The following EFNB3 variants were observed in gnomAD, a reference collection of about 807,000 sequenced individuals.
EFNB3 encodes ephrin-B3.
Under a neutral mutation model 29.8 loss-of-function variants are expected in EFNB3, and 14 were observed. The observed-to-expected ratio is 0.47, with a 90% confidence interval of 0.31 to 0.73. The LOEUF (loss-of-function observed/expected upper bound fraction) is 0.73. Among genes scored for constraint, EFNB3 ranks in the 30% least tolerant of loss-of-function variants. The pLI, the probability that EFNB3 is intolerant of heterozygous loss-of-function variation, is 0.05. For missense variants in EFNB3, 408 were observed against 458.0 expected (o/e 0.89, Z 1.00); for synonymous variants, 216 against 191.6 (o/e 1.13, Z -1.05).
In EFNB3 at chr17:7,705,740, G is replaced by A. The variant is rs1339178913; in HGVS notation, c.122+20G>A. 3 of 1,556,340 alleles carry A rather than the reference G, an allele frequency of 1.9e-6. No homozygotes were observed. Among genetic ancestry groups the A allele is most frequent in the Admixed American group, 1.9e-5 (1 of 51,706 alleles). ...TAAGAGGTGAGTGGCCTGCGGCTGG[G>A]GAGATCCCAGACCCTAGGGCAGTGG... On this transcript the variant is annotated intron_variant, in intron 1 of 4. Transcript: ENST00000226091. The surrounding 1 kb of genome is among the most constrained non-coding windows in gnomAD (Gnocchi z 5.4).
chr17:7,709,720 T>C lies in EFNB3; in HGVS notation c.*144T>C. On this transcript the variant is annotated 3_prime_UTR_variant, in exon 5 of 5. Transcript: ENST00000226091. The surrounding 1 kb of genome is among the most constrained non-coding windows in gnomAD (Gnocchi z 4.5). ...ACTCCTCCCGGCTGCTGTCCTCGTC[T>C]CCACTTTTAGGATTCCTTAGGATTC... The C allele has an allele frequency of 1.2e-6, 1 of 856,494 alleles. No individual in the cohort carries two copies. The highest frequency in any genetic ancestry group is 1.9e-6 in the Non-Finnish European group (1 of 538,180). The allele number at this position is 856,494 out of a possible 1,614,324, so 53.1% of individuals were successfully genotyped here. A position where few individuals can be genotyped will look rare whatever the true frequency, so the allele number is the denominator to read the frequency against.
In EFNB3 at chr17:7,708,339, C is replaced by A; in HGVS notation, c.415+89C>A. On this transcript the variant is annotated intron_variant, in intron 2 of 4. Coordinates refer to ENST00000226091, the MANE Select transcript of EFNB3 (RefSeq NM_001406.4). The surrounding 1 kb of genome is among the most constrained non-coding windows in gnomAD (Gnocchi z 6.8). Reference sequence around the variant, plus strand: ...GACCCCTGCAGCCAAGAGGGAGATCCCAGTGCCCTCAGGCAGTGTTCACAC... The same window carrying A: ...GACCCCTGCAGCCAAGAGGGAGATCACAGTGCCCTCAGGCAGTGTTCACAC... 6.3e-7 allele frequency: 1 copy of A among 1,581,500 alleles called. No individual in the cohort carries two copies. The highest frequency in any genetic ancestry group is 1.3e-5 in the African/African-American group (1 of 74,462).
chr17:7,707,966 C>G lies in EFNB3; in HGVS notation c.131C>G (p.Ala44Gly). The G allele has an allele frequency of 6.2e-7, 1 of 1,610,774 alleles. No homozygotes were observed. Residue 44 changes from alanine (A) to glycine (G), a missense_variant, in exon 2 of 5, where the codon GCA (alanine) becomes GGA (glycine). Transcript: ENST00000226091. ...YWNSANKRFQ[A>G]EGGYVLYPQI... ...TACCCTCCTCCCCATAGGTTCCAGG[C>G]AGAGGGTGGTTATGTGCTGTACCCT...
At position 7,709,883 on chromosome 17, in the gene EFNB3, C is replaced by T. The variant is rs2074343507; in HGVS notation, c.*307C>T. Reference sequence around the variant, plus strand: ...ATGACCCAGGCATCCTTGTCCCCCTCACCCACCCAGAGCTAGGGGCGGGAA... The same window carrying T: ...ATGACCCAGGCATCCTTGTCCCCCTTACCCACCCAGAGCTAGGGGCGGGAA... On this transcript the variant is annotated 3_prime_UTR_variant, in exon 5 of 5. Transcript: ENST00000226091. The surrounding 1 kb of genome is among the most constrained non-coding windows in gnomAD (Gnocchi z 4.5). The T allele has an allele frequency of 2.0e-6, 1 of 489,892 alleles. No individual in the cohort carries two copies. The highest frequency in any genetic ancestry group is 3.8e-5 in the Admixed American group (1 of 26,260). The allele number at this position is 489,892 out of a possible 1,614,324, so 30.3% of individuals were successfully genotyped here.
At position 7,708,450 on chromosome 17, in the gene EFNB3, C is replaced by G. The variant is rs144005781; in HGVS notation, c.431C>G (p.Thr144Ser). Residue 144 changes from threonine (T) to serine (S), a missense_variant, in exon 3 of 5, where the codon ACC (threonine) becomes AGC (serine). By Grantham distance (58) the Thr-to-Ser change is moderately conservative (BLOSUM62 1). Coordinates refer to ENST00000226091, the MANE Select transcript of EFNB3 (RefSeq NM_001406.4). This position sits in a 1 kb window ranked among gnomAD's most constrained non-coding sequence, Gnocchi z 6.8. ...TCTCTCCCAGCCACATCGGATGGGACCCGGGAGGGCCTGGAGAGCCTGCAG... is the reference window on the plus strand; with the variant it reads ...TCTCTCCCAGCCACATCGGATGGGAGCCGGGAGGGCCTGGAGAGCCTGCAG... ...DYYIIATSDG[T>S]REGLESLQGG... 6.2e-6 allele frequency: 10 copies of G among 1,613,482 alleles called. No individual in the cohort carries two copies. The highest frequency in any genetic ancestry group is 8.5e-6 in the Non-Finnish European group (10 of 1,179,776).
chr17:7,709,705 G>A lies in EFNB3; in HGVS notation c.*129G>A. The A allele has an allele frequency of 1.1e-6, 1 of 928,294 alleles. No homozygotes were observed. The highest frequency in any genetic ancestry group is 2.6e-5 in the East Asian group (1 of 38,016). 57.5% of individuals were successfully genotyped at this position (928,294 alleles called of 1,614,324 possible). ...CCCCCCAGCCCCTTCACTCCTCCCG[G>A]CTGCTGTCCTCGTCTCCACTTTTAG... On this transcript the variant is annotated 3_prime_UTR_variant, in exon 5 of 5. Transcript: ENST00000226091. This position sits in a 1 kb window ranked among gnomAD's most constrained non-coding sequence, Gnocchi z 4.5.
rs1320636321 is a variant in EFNB3 at position 7,709,944 on chromosome 17, C to T, written c.*368C>T. 1 of 376,572 alleles carries T rather than the reference C, an allele frequency of 2.7e-6. No homozygotes were observed. The highest frequency in any genetic ancestry group is 2.2e-5 in the African/African-American group (1 of 46,016). 23.3% of individuals were successfully genotyped at this position (376,572 alleles called of 1,614,324 possible). ...TTTGGTTGGCACCGCCTTCTTTCTG[C>T]CTCTCACTGGTTTTCTCTTCTCTAT... On this transcript the variant is annotated 3_prime_UTR_variant, in exon 5 of 5. Transcript: ENST00000226091. The surrounding 1 kb of genome is among the most constrained non-coding windows in gnomAD (Gnocchi z 4.5).
Position 7,705,546 on chromosome 17 carries a change from G to A in EFNB3, c.-53G>A. ...GGCAGCCAAGGCAGCCACCCCGGGG[G>A]GTGGGCGACTTTGGGGGAGTTGGTG... On this transcript the variant is annotated 5_prime_UTR_variant, in exon 1 of 5. Transcript: ENST00000226091. The surrounding 1 kb of genome is among the most constrained non-coding windows in gnomAD (Gnocchi z 5.4). The A allele has an allele frequency of 2.7e-6, 3 of 1,111,606 alleles. No individual in the cohort carries two copies. Among genetic ancestry groups the A allele is most frequent in the Non-Finnish European group, 2.4e-6 (2 of 822,304 alleles). 68.9% of individuals were successfully genotyped at this position (1,111,606 alleles called of 1,614,324 possible).
chr17:7,707,503 G>A (rs1003284406), intron 1 of EFNB3, among the ~76,000 whole-genome samples: 2 of 152,142 alleles, frequency 1.3e-5, no homozygotes, highest in Non-Finnish European at 1.5e-5. Flanking sequence ...CCCTTTGCCC[G>A]GAAATCCCTG....
At position 7,708,740 on chromosome 17, in the gene EFNB3, G is replaced by A. The variant is rs1597427182; in HGVS notation, c.613+1G>A. 2 of 1,554,718 alleles carry A rather than the reference G, an allele frequency of 1.3e-6. No individual in the cohort carries two copies. The highest frequency in any genetic ancestry group is 1.7e-6 in the Non-Finnish European group (2 of 1,148,694). On this transcript the variant is annotated splice_donor_variant, in intron 4 of 4. Transcript: ENST00000226091. LOFTEE classifies it high-confidence loss of function. This position sits in a 1 kb window ranked among gnomAD's most constrained non-coding sequence, Gnocchi z 6.8. ...GAGCCTGGGAAGGAGAACCTGCCAGGTAGGAACCAGGGGCTAGGCCCCTGC... is the reference window on the plus strand; with the variant it reads ...GAGCCTGGGAAGGAGAACCTGCCAGATAGGAACCAGGGGCTAGGCCCCTGC...
At chr17:7,706,495 T>C (rs2074328160) in intron 1 of EFNB3, among the ~76,000 whole-genome samples, 1 of 152,190 alleles carries the variant, frequency 6.6e-6, no homozygotes, top group Non-Finnish European at 1.5e-5. Context: ...CAGATGAAAC[T>C]TCAAGCCACG....
At position 7,709,061 on chromosome 17, in the gene EFNB3, G is replaced by A; in HGVS notation, c.614-106G>A. 1 of 1,173,156 alleles carries A rather than the reference G, an allele frequency of 8.5e-7. No homozygotes were observed. The highest frequency in any genetic ancestry group is 1.2e-6 in the Non-Finnish European group (1 of 818,856). The allele number at this position is 1,173,156 out of a possible 1,614,324, so 72.7% of individuals were successfully genotyped here. The stretch of plus-strand genomic sequence containing the variant: ...GAGATGGGGTCCCCAAGGGGCCTGG[G>A]CGCTACAAGGGAAGCCCATGGGGAC... On this transcript the variant is annotated intron_variant, in intron 4 of 4. Coordinates refer to ENST00000226091, the MANE Select transcript of EFNB3 (RefSeq NM_001406.4). This position sits in a 1 kb window ranked among gnomAD's most constrained non-coding sequence, Gnocchi z 4.5.
intron 1 of EFNB3, among the ~76,000 whole-genome samples, chr17:7,706,121 G>A (rs2074326919): frequency 6.7e-6 from 1 of 150,276 alleles, no homozygotes; most frequent in Admixed American, 6.7e-5. Context: ...GCAGGGCAGG[G>A]TGCCTCCCTC....
Position 7,705,770 on chromosome 17 carries a change from G to A in EFNB3, c.122+50G>A, listed in dbSNP as rs892896000. ...TCCCAGACCCTAGGGCAGTGGGTAG[G>A]GAAGCTCTGGGGGCTTGGAGGCGGG... On this transcript the variant is annotated intron_variant, in intron 1 of 4. Coordinates refer to ENST00000226091, the MANE Select transcript of EFNB3 (RefSeq NM_001406.4). The surrounding 1 kb of genome is among the most constrained non-coding windows in gnomAD (Gnocchi z 5.4). The A allele has an allele frequency of 2.0e-6, 3 of 1,517,802 alleles. No homozygotes were observed. Among genetic ancestry groups the A allele is most frequent in the Non-Finnish European group, 1.7e-6 (2 of 1,148,940 alleles). The allele number at this position is 1,517,802 out of a possible 1,614,324, so 94.0% of individuals were successfully genotyped here.
rs2074323743 is a variant in EFNB3, at chr17:7,705,415, C to T, written c.-184C>T. ...CCTGCAGACGGCCCCTGGAAGGGCT[C>T]TGGTGGGGCTGAGCGCTCTGCCGCG... On this transcript the variant is annotated 5_prime_UTR_variant, in exon 1 of 5. Coordinates refer to ENST00000226091, the MANE Select transcript of EFNB3 (RefSeq NM_001406.4). The surrounding 1 kb of genome is among the most constrained non-coding windows in gnomAD (Gnocchi z 5.4). 4.3e-6 allele frequency: 2 copies of T among 463,418 alleles called. No homozygotes were observed. Among genetic ancestry groups the T allele is most frequent in the Admixed American group, 4.5e-5 (1 of 21,986 alleles). 28.7% of individuals were successfully genotyped at this position (463,418 alleles called of 1,614,324 possible). A position where few individuals can be genotyped will look rare whatever the true frequency, so the allele number is the denominator to read the frequency against.
At position 7,708,686 on chromosome 17, in the gene EFNB3, A is replaced by G; in HGVS notation, c.560A>G (p.Glu187Gly). ...AAACCTGTGTCTGAAATGCCCATGG[A>G]AAGAGACCGAGGGGCAGCCCACAGC... ...PRKPVSEMPM[E>G]RDRGAAHSLE... Residue 187 changes from glutamate to glycine, a missense_variant, in exon 4 of 5, where the codon GAA becomes GGA. Physicochemically the swap from Glu to Gly is moderately conservative, Grantham distance 98 (BLOSUM62 -2). Around this residue, in one of 3 missense-constraint regions of EFNB3, gnomAD observed 233 missense variants for 230.7 expected, o/e 1.01. Coordinates refer to ENST00000226091, the MANE Select transcript of EFNB3 (RefSeq NM_001406.4). This position sits in a 1 kb window ranked among gnomAD's most constrained non-coding sequence, Gnocchi z 6.8. 1 of 1,580,246 alleles carries G rather than the reference A, an allele frequency of 6.3e-7. No individual in the cohort carries two copies. Among genetic ancestry groups the G allele is most frequent in the Non-Finnish European group, 8.6e-7 (1 of 1,162,354 alleles).
At chr17:7,706,094 G>A (rs1332635547) in intron 1 of EFNB3, among the ~76,000 whole-genome samples, 1 of 150,740 alleles carries the variant, frequency 6.6e-6, no homozygotes, top group Non-Finnish European at 1.5e-5. Context: ...TAGGTGCTGC[G>A]AGTCGCTGAG....
Position 7,709,537 on chromosome 17 carries a change from G to C in EFNB3, c.984G>C (p.Gly328=). The C allele has an allele frequency of 1.2e-6, 2 of 1,613,692 alleles. No homozygotes were observed. The highest frequency in any genetic ancestry group is 1.7e-6 in the Non-Finnish European group (2 of 1,179,886). ...ATCCTGTGTATATCGTGCAGGATGG[G>C]CCCCCCCAGAGCCCTCCAAACATCT... ...YGHPVYIVQD[G]PPQSPPNIYY... Residue 328 remains glycine, a synonymous_variant, in exon 5 of 5, where the codon GGG becomes GGC. Coordinates refer to ENST00000226091, the MANE Select transcript of EFNB3 (RefSeq NM_001406.4). The surrounding 1 kb of genome is among the most constrained non-coding windows in gnomAD (Gnocchi z 4.5).
chr17:7,705,685 C>A lies in EFNB3; in HGVS notation c.87C>A (p.Ser29Arg). ...TTTTGGGGCTGGTGTCTGGGCTCAG[C>A]CTGGAGCCTGTCTACTGGAACTCGG... ...LGVLGLVSGLSLEPVYWNSAN... is the reference protein window; with the variant it reads ...LGVLGLVSGLRLEPVYWNSAN... Residue 29 changes from serine (S) to arginine (R), a missense_variant, in exon 1 of 5, where the codon AGC becomes AGA. By Grantham distance (110) the Ser-to-Arg change is moderately radical. Transcript: ENST00000226091. This position sits in a 1 kb window ranked among gnomAD's most constrained non-coding sequence, Gnocchi z 5.4. 1 of 1,551,818 alleles carries A rather than the reference C, an allele frequency of 6.4e-7. No individual in the cohort carries two copies. Among genetic ancestry groups the A allele is most frequent in the Non-Finnish European group, 8.6e-7 (1 of 1,157,130 alleles).
Sources: allele counts gnomAD v4.1 joint callset (sites outside exome capture counted in the v4.1 genomes callset), GRCh38; gene constraint gnomAD v4.1.1; regional missense constraint gnomAD v4.1.1; non-coding constraint Gnocchi (gnomAD v3.1); transcripts MANE v1.5; gene names NCBI Gene and HGNC (gene_info 2026-07-23, HGNC 2026-07-21).